The following DPP6 variants were observed in gnomAD, a reference collection of about 807,000 sequenced individuals.
DPP6 encodes dipeptidyl peptidase like 6.
DPP6 carries 69 observed loss-of-function variants against 122.6 expected under a neutral mutation model. The observed-to-expected ratio is 0.56, with a 90% CI of 0.46 to 0.69. The LOEUF (loss-of-function observed/expected upper bound fraction) is 0.69, where lower values mean the gene tolerates loss of function less well. Ranked by LOEUF, DPP6 falls within the 30% of genes least tolerant of loss-of-function variation. DPP6 has a pLI of 0.00. For missense variants in DPP6, 928 were observed against 1,116.9 expected, an observed-to-expected ratio of 0.83 and a Z score of 2.41; for synonymous variants, 418 against 433.1, an observed-to-expected ratio of 0.97 and a Z score of 0.43.
chr7:154,550,470 C>A (rs1182262382), intron 4 of DPP6, among the ~76,000 whole-genome samples: 1 of 152,076 alleles, frequency 6.6e-6, no homozygotes, highest in East Asian at 1.9e-4. Flanking sequence ...AAATTGTCTT[C>A]CAAGTATAAT....
intron 1 of DPP6, chr7:154,058,476 A>G (rs1382602158): frequency 8.8e-6 from 1 of 113,600 alleles, no homozygotes; most frequent in African/African-American, 3.6e-5. Context: ...CCCCCATCGT[A>G]GGGGGGGGGA....
intron 1 of DPP6, among the ~76,000 whole-genome samples, chr7:154,203,804 C>T (rs1253725800): frequency 6.6e-6 from 1 of 152,206 alleles, no homozygotes; most frequent in Non-Finnish European, 1.5e-5. Context: ...CAAACTGCAG[C>T]TCACACCTGT....
intron 8 of DPP6, 138 bp from the exon 9 acceptor site, chr7:154,769,279 G>C: frequency 9.4e-7 from 1 of 1,060,980 alleles, no homozygotes; most frequent in Non-Finnish European, 1.4e-6. Flanking sequence ...ACACAGTGAA[G>C]GTTCCTCAAA....
chr7:153,767,785 C>T, the DPP6 span, among the ~76,000 whole-genome samples: 1 of 152,278 alleles, frequency 6.6e-6, no homozygotes, highest in South Asian at 2.1e-4. Context: ...TTTAAATGTG[C>T]ATCATTCCAC....
At chr7:154,214,748 T>C (rs530870566) in intron 1 of DPP6, among the ~76,000 whole-genome samples, 22 of 152,232 alleles carry the variant, frequency 1.4e-4, no homozygotes, top group African/African-American at 5.3e-4. Flanking sequence ...GAGACCCGTC[T>C]TTACCAAAAG....
chr7:154,517,187 G>A (rs1826586524), intron 3 of DPP6, among the ~76,000 whole-genome samples: 1 of 152,116 alleles, frequency 6.6e-6, no homozygotes. Context: ...CATGTAGGAG[G>A]CACCCCCACA....
At chr7:154,525,811 AC>A (rs1827364162) in intron 3 of DPP6, among the ~76,000 whole-genome samples, 1 of 150,792 alleles carries the variant, frequency 6.6e-6, no homozygotes, top group Non-Finnish European at 1.5e-5. Flanking sequence ...GGAAACACCT[AC>A]CTTTTCTAAG....
intron 1 of DPP6, among the ~76,000 whole-genome samples, chr7:154,176,334 C>T (rs965520184): frequency 6.6e-6 from 1 of 152,042 alleles, no homozygotes; most frequent in Non-Finnish European, 1.5e-5. Context: ...TGGTGAGCGC[C>T]CAGGCAGTAC....
chr7:154,303,640 G>C (rs1806060775), intron 1 of DPP6, among the ~76,000 whole-genome samples: 2 of 152,140 alleles, frequency 1.3e-5, no homozygotes, highest in South Asian at 4.2e-4. Context: ...CCATGCAGGA[G>C]TCTAAGCCAG....
chr7:153,784,448 T>C, the DPP6 span, among the ~76,000 whole-genome samples: 2 of 152,250 alleles, frequency 1.3e-5, no homozygotes, highest in Non-Finnish European at 2.9e-5. Context: ...ATTTATATCA[T>C]TGCAAAGAAT....
At chr7:154,000,191 A>G (rs1258371184) in intron 1 of DPP6, among the ~76,000 whole-genome samples, 3 of 152,234 alleles carry the variant, frequency 2.0e-5, no homozygotes, top group African/African-American at 7.2e-5. Context: ...ATTACTAAAG[A>G]AACTAAATAT....
chr7:154,135,738 G>A (rs947423337), intron 1 of DPP6, among the ~76,000 whole-genome samples: 3 of 147,392 alleles, frequency 2.0e-5, no homozygotes, highest in African/African-American at 7.6e-5. Flanking sequence ...CACTTATTCT[G>A]AGCACACACT....
intron 10 of DPP6, among the ~76,000 whole-genome samples, chr7:154,785,799 T>G (rs1420659566): frequency 6.6e-6 from 1 of 152,256 alleles, no homozygotes; most frequent in African/African-American, 2.4e-5. Flanking sequence ...TCTTTCATGA[T>G]AGAGCTAAGG....
At chr7:153,931,411 C>G (rs755554357) in intron 1 of DPP6, among the ~76,000 whole-genome samples, 22 of 152,120 alleles carry the variant, frequency 1.4e-4, no homozygotes, top group Non-Finnish European at 3.1e-4. Flanking sequence ...CTTCTGGAAG[C>G]TTGACAGTCT....
intron 10 of DPP6, among the ~76,000 whole-genome samples, chr7:154,779,276 TCCACCACCACCCCCACTACTATCA>T (rs1346973250): frequency 0.016 from 924 of 56,440 alleles, 16 homozygotes; most frequent in African/African-American, 0.044. Flanking sequence ...TATCACCACC[TCCACCACCACCCCCACTACTATCA>T]CCACCACCCC....
chr7:154,792,082 T>G (rs1797715906), intron 10 of DPP6, among the ~76,000 whole-genome samples: 2 of 152,272 alleles, frequency 1.3e-5, no homozygotes, highest in Non-Finnish European at 2.9e-5. Flanking sequence ...TCTTCCTAAT[T>G]AGCATGAAGG....
chr7:153,974,848 C>A (rs1319430808), intron 1 of DPP6, among the ~76,000 whole-genome samples: 9 of 152,178 alleles, frequency 5.9e-5, no homozygotes, highest in African/African-American at 9.7e-5. Flanking sequence ...GAGAGAGCAG[C>A]CCTGCATGCA....
Position 154,063,245 on chromosome 7 carries a change from A to G in DPP6, c.243+10182A>G, listed in dbSNP as rs376970451. 8.5e-3 allele frequency among the ~76,000 whole-genome samples: 556 copies of G among 65,778 alleles called. 52 individuals carry two copies. The highest frequency in any genetic ancestry group is 0.041 in the East Asian group (83 of 2,020). 43.2% of individuals were successfully genotyped at this position (65,778 alleles called of 152,430 possible). ...AGGCAGGGACTGAGAGCCAGCCCCT[A>G]TTCCCCCACTGGCTCTTAGGACCCC... On this transcript the variant is annotated intron_variant, in intron 1 of 25. Transcript: ENST00000377770.
At position 154,540,523 on chromosome 7, in the gene DPP6, C is replaced by T. The variant is rs528869521; in HGVS notation, c.458-9C>T. On this transcript the variant is annotated splice_polypyrimidine_tract_variant and intron_variant, in intron 3 of 25. Transcript: ENST00000377770. The stretch of plus-strand genomic sequence containing the variant: ...TTCATGTGGTTTTTTTCTACTTCCT[C>T]TCTTACAGATACAGAATTCATCTAC... 3 of 1,573,330 alleles carry T rather than the reference C, an allele frequency of 1.9e-6. No individual in the cohort carries two copies. Among genetic ancestry groups the T allele is most frequent in the Admixed American group, 3.4e-5 (2 of 58,892 alleles).
Sources: gnomAD v4.1 joint callset for allele counts (sites outside exome capture counted in the v4.1 genomes callset) on GRCh38, gnomAD v4.1.1 for gene constraint, MANE v1.5 for transcripts, NCBI Gene and HGNC (gene_info 2026-07-23, HGNC 2026-07-21) for gene names.